TNIK: variants seen among roughly 807,000 people sequenced by gnomAD.
TNIK encodes TRAF2 and NCK interacting kinase.
In TNIK, 49 loss-of-function variants were observed where a neutral mutation model predicts 191.3. That is an observed-to-expected ratio of 0.26 (90% CI 0.20 to 0.32). TNIK has a LOEUF of 0.32. Ranked by LOEUF, TNIK falls within the 10% of genes least tolerant of loss-of-function variation. The probability of loss-of-function intolerance (pLI) is 1.00; values close to 1 mark genes in which losing one functional copy is unlikely to be tolerated. For missense variants in TNIK, 1,155 were observed against 1,702.3 expected (o/e 0.68, Z 5.66); for synonymous variants, 594 against 600.9 (o/e 0.99, Z 0.17).
chr3:171,234,876 T>C (rs1385250775), intron 2 of TNIK, among the ~76,000 whole-genome samples: 1 of 152,184 alleles, frequency 6.6e-6, no homozygotes, highest in Non-Finnish European at 1.5e-5. Flanking sequence ...AGCCAGCCTC[T>C]GGGCCAGGGC....
At chr3:171,357,551 CTTTTT>C (rs77632080) in intron 2 of TNIK, among the ~76,000 whole-genome samples, 9 of 126,958 alleles carry the variant, frequency 7.1e-5, no homozygotes, top group African/African-American at 2.3e-4. Flanking sequence ...AGCCTCTGTA[CTTTTT>C]TTTTTTTTTT....
In TNIK at chr3:171,417,780, C is replaced by T. The variant is rs549510270; in HGVS notation, c.57+42227G>A. Among the ~76,000 whole-genome samples, 11 of 152,274 alleles carry T rather than the reference C, an allele frequency of 7.2e-5. No individual in the cohort carries two copies. The East Asian group carries it at 1.5e-3, about 21-fold the overall frequency. On this transcript the variant is annotated intron_variant, in intron 1 of 32. Coordinates refer to ENST00000436636, the MANE Select transcript of TNIK (RefSeq NM_015028.4). ...AGCCCACCACCTCACTGGGACTTCACCCCTTCCTATAATCAAAGGGCTTTG... is the reference window on the plus strand; with the variant it reads ...AGCCCACCACCTCACTGGGACTTCATCCCTTCCTATAATCAAAGGGCTTTG...
At chr3:171,459,497 A>G (rs1309699420) in intron 1 of TNIK, among the ~76,000 whole-genome samples, 2 of 152,214 alleles carry the variant, frequency 1.3e-5, no homozygotes, top group African/African-American at 2.4e-5. Flanking sequence ...CCAGCATAGC[A>G]ATAACTGCCC....
chr3:171,440,848 G>A (rs906222170), intron 1 of TNIK, among the ~76,000 whole-genome samples: 1 of 152,146 alleles, frequency 6.6e-6, no homozygotes, highest in Non-Finnish European at 1.5e-5. Context: ...GAAAAGCATG[G>A]AACATTAAGA....
intron 23 of TNIK, among the ~76,000 whole-genome samples, chr3:171,092,051 G>A (rs1454326745): frequency 2.6e-5 from 4 of 151,114 alleles, no homozygotes; most frequent in African/African-American, 4.9e-5. Context: ...CCGGGTTCAC[G>A]CCATTCTCCT....
At chr3:171,083,174 T>C (rs778911039) in intron 26 of TNIK, among the ~76,000 whole-genome samples, 1 of 152,204 alleles carries the variant, frequency 6.6e-6, no homozygotes, top group Non-Finnish European at 1.5e-5. Flanking sequence ...CATTGTGCAG[T>C]GTACTTTATT....
chr3:171,347,986 A>G (rs1712540989), intron 2 of TNIK, among the ~76,000 whole-genome samples: 1 of 151,848 alleles, frequency 6.6e-6, no homozygotes, highest in South Asian at 2.1e-4. Flanking sequence ...TTCTTCTACC[A>G]TCTTCTAAAG....
Position 171,063,701 on chromosome 3 carries a change from A to G in TNIK, c.*180T>C. The G allele has an allele frequency of 1.9e-6, 1 of 533,596 alleles. No homozygotes were observed. The highest frequency in any genetic ancestry group is 3.3e-5 in the South Asian group (1 of 30,206). The allele number at this position is 533,596 out of a possible 1,614,324, so 33.1% of individuals were successfully genotyped here. A position where few individuals can be genotyped will look rare whatever the true frequency, so the allele number is the denominator to read the frequency against. ...CTGCCACCTTTTTCTCTCCTTCTCA[A>G]CCAGGCTGCAACATTGAAAGATGGA... On this transcript the variant is annotated 3_prime_UTR_variant, in exon 33 of 33. Transcript: ENST00000436636.
chr3:171,204,945 A>T (rs1393971942), intron 4 of TNIK, among the ~76,000 whole-genome samples: 2 of 152,186 alleles, frequency 1.3e-5, no homozygotes, highest in African/African-American at 4.8e-5. Flanking sequence ...GGACTCTCTG[A>T]GCCTAGTTTC....
At chr3:171,112,940 G>T (rs1202486371) in intron 18 of TNIK, among the ~76,000 whole-genome samples, 1 of 152,120 alleles carries the variant, frequency 6.6e-6, no homozygotes, top group Admixed American at 6.5e-5. Flanking sequence ...TATTTCCTGA[G>T]ATTAGAATTC....
intron 2 of TNIK, among the ~76,000 whole-genome samples, chr3:171,257,207 T>C (rs766807888): frequency 1.3e-5 from 2 of 152,204 alleles, no homozygotes; most frequent in Non-Finnish European, 2.9e-5. Context: ...AACCATGCTG[T>C]AGAACCAGGG....
chr3:171,257,435 A>G (rs1216412285), intron 2 of TNIK, among the ~76,000 whole-genome samples: 1 of 152,176 alleles, frequency 6.6e-6, no homozygotes, highest in Non-Finnish European at 1.5e-5. Context: ...TCCCCATCTC[A>G]GATAGGAACT....
rs1004360640 is a variant in TNIK at position 171,060,053 on chromosome 3, C to T, written c.*3828G>A. ...CTTAAAAATAATGTAGCACATCTTA[C>T]ATCTTAAAGCAATCAGCACAAATGC... On this transcript the variant is annotated 3_prime_UTR_variant, in exon 33 of 33. Transcript: ENST00000436636. Among the ~76,000 whole-genome samples the T allele has an allele frequency of 6.6e-6, 1 of 152,112 alleles. No individual in the cohort carries two copies. Among genetic ancestry groups the T allele is most frequent in the East Asian group, 1.9e-4 (1 of 5,194 alleles).
intron 1 of TNIK, among the ~76,000 whole-genome samples, chr3:171,416,698 G>C (rs1371381161): frequency 6.6e-6 from 1 of 152,092 alleles, no homozygotes; most frequent in Non-Finnish European, 1.5e-5. Context: ...TCTATATCCT[G>C]AATTCAGCAG....
intron 24 of TNIK, 87 bp downstream of exon 24, chr3:171,087,255 G>A: frequency 6.4e-7 from 1 of 1,551,418 alleles, no homozygotes; most frequent in Non-Finnish European, 8.7e-7. Flanking sequence ...AAGGAGCTTG[G>A]CGAAGCCTCA....
chr3:171,434,154 T>G (rs1222463357), intron 1 of TNIK, among the ~76,000 whole-genome samples: 3 of 152,056 alleles, frequency 2.0e-5, no homozygotes, highest in Admixed American at 1.3e-4. Flanking sequence ...CAGACTGGTC[T>G]CGAACTCCTG....
chr3:171,101,664 G>A (rs983092487), intron 21 of TNIK, 31 bp from the exon 22 acceptor site: 2 of 1,603,928 alleles, frequency 1.2e-6, no homozygotes, highest in African/African-American at 2.7e-5. Flanking sequence ...CAGCATATGA[G>A]TGGTAGATAC....
intron 29 of TNIK, among the ~76,000 whole-genome samples, chr3:171,070,462 CAGAG>C (rs943893695): frequency 6.6e-6 from 1 of 151,356 alleles, no homozygotes; most frequent in Non-Finnish European, 1.5e-5. Context: ...GAGAGAGAGA[CAGAG>C]AGAGATCAGA....
chr3:171,396,302 G>A lies in TNIK; in HGVS notation c.58-26617C>T, dbSNP rs144951923. ...TATCATTACTTCATTCCTTTTTATG[G>A]CCAAGCAACATGCCATTGTTTGGAG... On this transcript the variant is annotated intron_variant, in intron 1 of 32. Coordinates refer to ENST00000436636, the MANE Select transcript of TNIK (RefSeq NM_015028.4). Among the ~76,000 whole-genome samples, 485 of 152,200 alleles carry A rather than the reference G, an allele frequency of 3.2e-3. 2 individuals carry two copies. The highest frequency in any genetic ancestry group is 0.011 in the African/African-American group (472 of 41,522).
Sources: gnomAD v4.1 joint callset for allele counts (sites outside exome capture counted in the v4.1 genomes callset) on GRCh38, gnomAD v4.1.1 for gene constraint, MANE v1.5 for transcripts, NCBI Gene and HGNC (gene_info 2026-07-23, HGNC 2026-07-21) for gene names.